EYA1: variants seen among roughly 807,000 people sequenced by gnomAD.
EYA1 encodes protein phosphatase EYA1.
In EYA1, 16 loss-of-function variants were observed where a neutral mutation model predicts 82.0. The ratio of observed to expected loss-of-function variants is 0.20; its 90% CI spans 0.13 to 0.30. The LOEUF is 0.30. EYA1 is among the 10% of genes least tolerant of loss of function. EYA1 has a pLI of 1.00. For synonymous variants in EYA1, 261 were observed against 264.4 expected, an observed-to-expected ratio of 0.99 and a Z score of 0.12; for missense variants, 633 against 730.7, an observed-to-expected ratio of 0.87 and a Z score of 1.54.
chr8:71,454,530 C>T (rs908805606), intron 2 of EYA1, among the ~76,000 whole-genome samples: 1 of 152,180 alleles, frequency 6.6e-6, no homozygotes. Flanking sequence ...TAAAGCACCC[C>T]TCTGCAAATG....
At chr8:71,503,292 G>A (rs1483723641) in intron 2 of EYA1, among the ~76,000 whole-genome samples, 2 of 152,076 alleles carry the variant, frequency 1.3e-5, no homozygotes, top group Non-Finnish European at 2.9e-5. Context: ...TCAAGGGTTC[G>A]AGAAACCCCG....
chr8:71,515,813 T>C (rs979197842), intron 2 of EYA1, among the ~76,000 whole-genome samples: 2 of 152,164 alleles, frequency 1.3e-5, no homozygotes, highest in African/African-American at 4.8e-5. Context: ...ACAAGACCTT[T>C]TGCAATTCAA....
intron 2 of EYA1, among the ~76,000 whole-genome samples, chr8:71,412,176 C>A (rs935159909): frequency 8.2e-6 from 1 of 122,018 alleles, no homozygotes; most frequent in African/African-American, 3.2e-5. Flanking sequence ...GGGAATTGAA[C>A]AATGAGATCA....
chr8:71,465,243 T>C lies in EYA1; in HGVS notation c.33+70501A>G, dbSNP rs1029434308. 3.9e-5 allele frequency among the ~76,000 whole-genome samples: 6 copies of C among 152,324 alleles called. No individual in the cohort carries two copies. The East Asian group carries it at 5.8e-4, about 15-fold the overall frequency. On this transcript the variant is annotated intron_variant, in intron 2 of 18. Coordinates refer to the EYA1 transcript ENST00000643681. The stretch of plus-strand genomic sequence containing the variant: ...TTTAGAATGCAACTGCTGTTGATAA[T>C]ATTAAGGTAAACAAATAGAGCAGAA...
In EYA1 at chr8:71,236,192, C is replaced by A. The variant is rs932109678; in HGVS notation, c.1140+8411G>T. Among the ~76,000 whole-genome samples the A allele has an allele frequency of 1.1e-4, 16 of 152,234 alleles. No individual in the cohort carries two copies. The East Asian group carries it at 2.9e-3, about 28-fold the overall frequency. On this transcript the variant is annotated intron_variant, in intron 12 of 17. Coordinates refer to ENST00000340726, the MANE Select transcript of EYA1 (RefSeq NM_000503.6). The stretch of plus-strand genomic sequence containing the variant: ...CTGGGATTACAGGTACACGCCATCA[C>A]GCCCAGCTAATTTTTGTATTTTTAG...
At chr8:71,499,087 G>T (rs1022670801) in intron 2 of EYA1, among the ~76,000 whole-genome samples, 3 of 152,228 alleles carry the variant, frequency 2.0e-5, no homozygotes, top group East Asian at 1.9e-4. Context: ...GGGTGTGTCT[G>T]GGGGGTGTGG....
At chr8:71,416,959 C>A (rs895350436) in intron 2 of EYA1, among the ~76,000 whole-genome samples, 4 of 151,996 alleles carry the variant, frequency 2.6e-5, no homozygotes, top group African/African-American at 9.7e-5. Flanking sequence ...AAAGGCAGAC[C>A]CACCCTCAAT....
intron 4 of EYA1, among the ~76,000 whole-genome samples, chr8:71,331,755 C>T (rs1031673379): frequency 2.6e-5 from 4 of 152,126 alleles, no homozygotes; most frequent in African/African-American, 9.7e-5. Context: ...AAATAATTCT[C>T]AAGAGCTGTG....
intron 2 of EYA1, among the ~76,000 whole-genome samples, chr8:71,507,060 C>T (rs1156412691): frequency 6.6e-6 from 1 of 152,168 alleles, no homozygotes; most frequent in Non-Finnish European, 1.5e-5. Context: ...TCTATATCAA[C>T]TCCACTAATA....
chr8:71,511,178 A>G (rs961755357), intron 2 of EYA1, among the ~76,000 whole-genome samples: 6 of 152,226 alleles, frequency 3.9e-5, no homozygotes, highest in African/African-American at 1.4e-4. Flanking sequence ...GAAGTCATTG[A>G]GAAACCTCCA....
At chr8:71,475,255 G>T (rs1809566218) in intron 2 of EYA1, among the ~76,000 whole-genome samples, 1 of 152,180 alleles carries the variant, frequency 6.6e-6, no homozygotes, top group Admixed American at 6.5e-5. Context: ...GTCAAACAGG[G>T]ATAGATAAAT....
chr8:71,377,889 A>T lies in EYA1; in HGVS notation c.34-21378T>A, dbSNP rs560961477. Among the ~76,000 whole-genome samples the T allele has an allele frequency of 3.9e-5, 6 of 152,276 alleles. No homozygotes were observed. The East Asian group carries it at 1.2e-3, about 29-fold the overall frequency. On this transcript the variant is annotated intron_variant, in intron 2 of 18. Transcript: ENST00000643681. ...ACTGTTTCATCTGACATTGCTGTAC[A>T]TTCCCTCTTTGAAATGTTCTCCCTG...
chr8:71,300,424 C>T (rs1392108446), intron 7 of EYA1, among the ~76,000 whole-genome samples: 1 of 152,034 alleles, frequency 6.6e-6, no homozygotes, highest in Non-Finnish European at 1.5e-5. Context: ...CTATGCAAAA[C>T]AATAATATGC....
At chr8:71,478,686 A>G (rs1251104028) in intron 2 of EYA1, among the ~76,000 whole-genome samples, 1 of 152,174 alleles carries the variant, frequency 6.6e-6, no homozygotes, top group Non-Finnish European at 1.5e-5. Context: ...TCACTGATCT[A>G]GAGGAAATAG....
intron 6 of EYA1, among the ~76,000 whole-genome samples, chr8:71,318,812 C>T (rs1822205315): frequency 6.6e-6 from 1 of 152,160 alleles, no homozygotes; most frequent in Admixed American, 6.5e-5. Flanking sequence ...GAATCTGACT[C>T]TTGGCTGAGA....
intron 1 of EYA1, among the ~76,000 whole-genome samples, chr8:71,541,371 T>C (rs1815124362): frequency 6.6e-6 from 1 of 152,226 alleles, no homozygotes; most frequent in Non-Finnish European, 1.5e-5. Flanking sequence ...GAAGCCTGTT[T>C]ATAAAGAATA....
intron 9 of EYA1, among the ~76,000 whole-genome samples, chr8:71,287,621 T>C (rs184451492): frequency 6.6e-6 from 1 of 152,344 alleles, no homozygotes; most frequent in Admixed American, 6.5e-5. Flanking sequence ...ACAGTCATTC[T>C]ACATGAAAGA....
At chr8:71,500,066 G>C (rs1254461669) in intron 2 of EYA1, among the ~76,000 whole-genome samples, 1 of 152,156 alleles carries the variant, frequency 6.6e-6, no homozygotes, top group African/African-American at 2.4e-5. Context: ...GTCAATTTCA[G>C]GCATGTTTAA....
intron 9 of EYA1, among the ~76,000 whole-genome samples, chr8:71,297,448 C>T (rs1311847281): frequency 2.0e-5 from 3 of 151,976 alleles, no homozygotes; most frequent in African/African-American, 4.8e-5. Flanking sequence ...TATTCACAGC[C>T]AAAATATCAG....
Sources: gnomAD v4.1 joint callset for allele counts (sites outside exome capture counted in the v4.1 genomes callset) on GRCh38, gnomAD v4.1.1 for gene constraint, MANE v1.5 for transcripts, NCBI Gene and HGNC (gene_info 2026-07-23, HGNC 2026-07-21) for gene names.